Variants in RAPGEF4 observed in about 807,000 individuals in gnomAD.
RAPGEF4 encodes the protein Rap guanine nucleotide exchange factor 4.
Under a neutral mutation model 147.9 loss-of-function variants are expected in RAPGEF4, and 66 were observed. The ratio of observed to expected loss-of-function variants is 0.45; its 90% CI spans 0.37 to 0.55. The LOEUF (loss-of-function observed/expected upper bound fraction) is 0.55. Ranked by LOEUF, RAPGEF4 falls within the 20% of genes least tolerant of loss-of-function variation. The probability of loss-of-function intolerance (pLI) is 0.00; values close to 1 mark genes in which losing one functional copy is unlikely to be tolerated. For synonymous variants in RAPGEF4, 419 were observed against 442.7 expected (o/e 0.95, Z 0.67); for missense variants, 1,071 against 1,257.3 (o/e 0.85, Z 2.24).
chr2:173,042,595 C>G lies in RAPGEF4; in HGVS notation c.2853+5903C>G, dbSNP rs1575590848. ...CCGAGATCGTGCCACTGCACTCCAACCTGGGCAATAGAGTAAGACTCCAAA... is the reference window on the plus strand; with the variant it reads ...CCGAGATCGTGCCACTGCACTCCAAGCTGGGCAATAGAGTAAGACTCCAAA... On this transcript the variant is annotated intron_variant, in intron 29 of 30. Coordinates refer to ENST00000397081, the MANE Select transcript of RAPGEF4 (RefSeq NM_007023.4). This position sits in a 1 kb window ranked among gnomAD's most constrained non-coding sequence, Gnocchi z 4.2. Among the ~76,000 whole-genome samples, 1 of 151,934 alleles carries G rather than the reference C, an allele frequency of 6.6e-6. No individual in the cohort carries two copies. The highest frequency in any genetic ancestry group is 2.4e-5 in the African/African-American group (1 of 41,334).
chr2:172,902,954 G>T (rs774750504), intron 4 of RAPGEF4, among the ~76,000 whole-genome samples: 4 of 152,178 alleles, frequency 2.6e-5, no homozygotes, highest in Non-Finnish European at 5.9e-5. Context: ...GATGTTTTCA[G>T]GTTGTTCATG....
At position 172,896,962 on chromosome 2, in the gene RAPGEF4, C is replaced by T. The variant is rs534760585; in HGVS notation, c.445-20840C>T. Reference sequence around the variant, plus strand: ...GCATGCAGTGTTCCTGTGCGGTGAGCGGCTTAGGGAGGGATGGTCAGATTT... The same window carrying T: ...GCATGCAGTGTTCCTGTGCGGTGAGTGGCTTAGGGAGGGATGGTCAGATTT... On this transcript the variant is annotated intron_variant, in intron 4 of 30. Coordinates refer to ENST00000397081, the MANE Select transcript of RAPGEF4 (RefSeq NM_007023.4). Among the ~76,000 whole-genome samples, 11 of 152,164 alleles carry T rather than the reference C, an allele frequency of 7.2e-5. No homozygotes were observed. The East Asian group carries it at 9.7e-4, about 13-fold the overall frequency.
At chr2:172,998,490 A>G (rs1415019226) in intron 16 of RAPGEF4, among the ~76,000 whole-genome samples, 1 of 152,148 alleles carries the variant, frequency 6.6e-6, no homozygotes, top group African/African-American at 2.4e-5. Context: ...AGGCGGGAGG[A>G]TCACTGGAGC....
intron 4 of RAPGEF4, among the ~76,000 whole-genome samples, chr2:172,916,796 T>A (rs899149583): frequency 2.0e-5 from 3 of 152,230 alleles, no homozygotes; most frequent in Non-Finnish European, 4.4e-5. Flanking sequence ...GTTGCCCCAA[T>A]ACTGCGTGCT....
chr2:173,020,699 A>G lies in RAPGEF4; in HGVS notation c.2237A>G (p.Glu746Gly). 1 of 1,613,650 alleles carries G rather than the reference A, an allele frequency of 6.2e-7. No individual in the cohort carries two copies. Among genetic ancestry groups the G allele is most frequent in the Non-Finnish European group, 8.5e-7 (1 of 1,179,720 alleles). ...INGRLFACPR[E>G]QFDSLTPLPE... ...GGACGCCTGTTTGCTTGCCCGCGAG[A>G]GCAATTCGATTCACTGGTAGGTGTG... Residue 746 changes from glutamate (E) to glycine (G), a missense_variant, in exon 23 of 31, where the codon GAG becomes GGG. Transcript: ENST00000397081.
At position 173,016,375 on chromosome 2, in the gene RAPGEF4, T is replaced by G; in HGVS notation, c.1836T>G (p.Asp612Glu). ...AGTTTTATGTATCTGTATCAGATGATGCCCGGATGATTGCTGCCCTCAAGG... is the reference window on the plus strand; with the variant it reads ...AGTTTTATGTATCTGTATCAGATGAGGCCCGGATGATTGCTGCCCTCAAGG... The part of the protein sequence containing the change: ...LEEFYVSVSD[D>E]ARMIAALKEQ... Residue 612 changes from aspartate (D) to glutamate (E), a missense_variant, in exon 19 of 31, where the codon GAT (aspartate) becomes GAG (glutamate). Asp to Glu is a conservative substitution (Grantham distance 45). Transcript: ENST00000397081. 6.2e-7 allele frequency: 1 copy of G among 1,613,788 alleles called. No individual in the cohort carries two copies. The highest frequency in any genetic ancestry group is 8.5e-7 in the Non-Finnish European group (1 of 1,179,674).
chr2:172,821,818 C>T (rs1689096404), intron 4 of RAPGEF4: 1 of 1,379,734 alleles, frequency 7.2e-7, no homozygotes, highest in African/African-American at 1.5e-5. Flanking sequence ...ACCATCAGCA[C>T]CAGTTTCCTT....
chr2:173,019,997 T>C (rs1695908731), intron 22 of RAPGEF4, among the ~76,000 whole-genome samples: 1 of 152,242 alleles, frequency 6.6e-6, no homozygotes, highest in African/African-American at 2.4e-5. Flanking sequence ...ATTTTTTTTC[T>C]GTATTGTTCC....
intron 6 of RAPGEF4, among the ~76,000 whole-genome samples, chr2:172,931,605 A>T (rs1406494359): frequency 6.6e-6 from 1 of 152,214 alleles, no homozygotes; most frequent in Non-Finnish European, 1.5e-5. Context: ...AAAGTGAGGA[A>T]GCCACACCCA....
Position 173,048,635 on chromosome 2 carries a change from C to T in RAPGEF4, c.2889C>T (p.Tyr963=). 1 of 1,614,076 alleles carries T rather than the reference C, an allele frequency of 6.2e-7. No homozygotes were observed. The highest frequency in any genetic ancestry group is 8.5e-7 in the Non-Finnish European group (1 of 1,180,014). The stretch of plus-strand genomic sequence containing the variant: ...CAAATACGGCCAGAACAGTGAGATA[C>T]TACAGGAGCCAACCCTTCAGTAAGT... ...MIANTARTVR[Y]YRSQPFNPDA... is the part of the protein sequence containing the mutation. The change falls in exon 30 of 31, where the codon TAC becomes TAT. Residue 963 remains tyrosine, a synonymous_variant. Coordinates refer to ENST00000397081, the MANE Select transcript of RAPGEF4 (RefSeq NM_007023.4).
chr2:172,839,794 A>G (rs941378303), intron 4 of RAPGEF4, among the ~76,000 whole-genome samples: 3 of 152,194 alleles, frequency 2.0e-5, no homozygotes, highest in African/African-American at 4.8e-5. Context: ...ATTCATTCAT[A>G]GTATATTTAC....
In RAPGEF4 at chr2:172,822,114, C is replaced by G; in HGVS notation, c.444+7689C>G. Reference sequence around the variant, plus strand: ...ATGTTCCACCAGACCCAAATATGTACCATGGCAGGGACATAATTTGATTTC... The same window carrying G: ...ATGTTCCACCAGACCCAAATATGTAGCATGGCAGGGACATAATTTGATTTC... On this transcript the variant is annotated intron_variant, in intron 4 of 30. Coordinates refer to ENST00000397081, the MANE Select transcript of RAPGEF4 (RefSeq NM_007023.4). 2.8e-6 allele frequency: 3 copies of G among 1,055,602 alleles called. No individual in the cohort carries two copies. The South Asian group carries it at 5.0e-5, about 18-fold the overall frequency. The allele number at this position is 1,055,602 out of a possible 1,614,324, so 65.4% of individuals were successfully genotyped here.
At chr2:172,895,839 G>T (rs964901154) in intron 4 of RAPGEF4, among the ~76,000 whole-genome samples, 1 of 152,084 alleles carries the variant, frequency 6.6e-6, no homozygotes, top group Non-Finnish European at 1.5e-5. Context: ...CAGAATGATT[G>T]GTTTACCTAG....
chr2:172,964,809 T>C (rs1014077378), intron 8 of RAPGEF4, among the ~76,000 whole-genome samples: 3 of 152,216 alleles, frequency 2.0e-5, no homozygotes, highest in Non-Finnish European at 2.9e-5. Context: ...GGAATTTCTG[T>C]ATTCCCAAAT....
intron 6 of RAPGEF4, among the ~76,000 whole-genome samples, chr2:172,942,574 A>T (rs1277589788): frequency 4.0e-5 from 6 of 151,580 alleles, no homozygotes; most frequent in African/African-American, 1.2e-4. Context: ...CTGGTAAAAA[A>T]AAAAAAAAAA....
At chr2:173,008,463 T>C (rs1694709642) in intron 17 of RAPGEF4, among the ~76,000 whole-genome samples, 1 of 152,186 alleles carries the variant, frequency 6.6e-6, no homozygotes, top group Non-Finnish European at 1.5e-5. Context: ...ATAAAGAATA[T>C]ACAAAAGCTT....
intron 4 of RAPGEF4, among the ~76,000 whole-genome samples, chr2:172,822,952 A>T (rs146227146): frequency 6.6e-5 from 10 of 152,316 alleles, no homozygotes; most frequent in African/African-American, 2.4e-4. Flanking sequence ...CTTGTTTCCC[A>T]CCAGGTGGAG....
intron 4 of RAPGEF4, among the ~76,000 whole-genome samples, chr2:172,816,057 C>T (rs1164259320): frequency 6.6e-6 from 1 of 152,040 alleles, no homozygotes. Flanking sequence ...CAGCATATAT[C>T]TCAAAAAACT....
intron 1 of RAPGEF4, among the ~76,000 whole-genome samples, chr2:172,755,860 A>G (rs1695721750): frequency 6.6e-6 from 1 of 152,168 alleles, no homozygotes; most frequent in Non-Finnish European, 1.5e-5. Context: ...CACAGAATTT[A>G]TTTGGGCTTT....
Sources: allele counts gnomAD v4.1 joint callset (sites outside exome capture counted in the v4.1 genomes callset), GRCh38; gene constraint gnomAD v4.1.1; non-coding constraint Gnocchi (gnomAD v3.1); transcripts MANE v1.5; gene names NCBI Gene and HGNC (gene_info 2026-07-23, HGNC 2026-07-21).